Variants in TENM3 observed in about 807,000 individuals in gnomAD.
The protein encoded by TENM3 is teneurin-3.
A neutral mutation model predicts 255.1 loss-of-function variants in TENM3; 63 were observed. That is an observed-to-expected ratio of 0.25 (90% CI 0.20 to 0.30). The LOEUF (loss-of-function observed/expected upper bound fraction) is 0.30, where lower values mean the gene tolerates loss of function less well. Ranked by LOEUF, TENM3 falls within the 10% of genes least tolerant of loss-of-function variation. The pLI is 1.00. For missense variants in TENM3, 2,929 were observed against 3,461.1 expected (o/e 0.85, Z 3.86); for synonymous variants, 1,306 against 1,322.3 (o/e 0.99, Z 0.27).
the TENM3 span, among the ~76,000 whole-genome samples, chr4:181,633,972 T>C: frequency 6.6e-6 from 1 of 152,214 alleles, no homozygotes; most frequent in Admixed American, 6.5e-5. Flanking sequence ...ATCTCCTCTT[T>C]CACCTTCTTC....
At chr4:182,712,843 TTAATA>T (rs1166997304) in intron 12 of TENM3, among the ~76,000 whole-genome samples, 1 of 152,256 alleles carries the variant, frequency 6.6e-6, no homozygotes, top group Non-Finnish European at 1.5e-5. Context: ...AGTATTTTTA[TTAATA>T]TGTTTTATAC....
At chr4:181,610,171 A>C in the TENM3 span, among the ~76,000 whole-genome samples, 6 of 152,144 alleles carry the variant, frequency 3.9e-5, no homozygotes, top group Admixed American at 3.9e-4. Context: ...AGCAGCTTTA[A>C]ATGGAGTCCC....
chr4:181,607,181 T>A, the TENM3 span, among the ~76,000 whole-genome samples: 1 of 152,164 alleles, frequency 6.6e-6, no homozygotes, highest in African/African-American at 2.4e-5. Flanking sequence ...ATTTGCCATC[T>A]TTAAGATCAA....
At chr4:182,798,390 TAC>T (rs1246157729) in intron 27 of TENM3, among the ~76,000 whole-genome samples, 1 of 152,198 alleles carries the variant, frequency 6.6e-6, no homozygotes, top group African/African-American at 2.4e-5. Flanking sequence ...CAATATTCAG[TAC>T]AGTCACACCG....
At chr4:181,562,083 T>C in the TENM3 span, among the ~76,000 whole-genome samples, 1 of 152,230 alleles carries the variant, frequency 6.6e-6, no homozygotes, top group African/African-American at 2.4e-5. Flanking sequence ...GAGTACTTTA[T>C]GTTGTGTATT....
chr4:181,953,003 A>C, the TENM3 span, among the ~76,000 whole-genome samples: 1 of 152,218 alleles, frequency 6.6e-6, no homozygotes, highest in South Asian at 2.1e-4. Flanking sequence ...GACTGATTGC[A>C]CATATGTTAT....
At chr4:181,940,385 T>C in the TENM3 span, among the ~76,000 whole-genome samples, 1 of 152,208 alleles carries the variant, frequency 6.6e-6, no homozygotes. Context: ...TTCGCCAGAA[T>C]CACTGATTCA....
intron 1 of TENM3, among the ~76,000 whole-genome samples, chr4:182,303,826 C>G (rs1422699828): frequency 6.6e-6 from 1 of 152,174 alleles, no homozygotes; most frequent in Non-Finnish European, 1.5e-5. Flanking sequence ...TGACAACTTT[C>G]TAGGCACCAC....
At chr4:182,677,034 T>C (rs775875494) in intron 7 of TENM3, among the ~76,000 whole-genome samples, 10 of 152,204 alleles carry the variant, frequency 6.6e-5, no homozygotes, top group Non-Finnish European at 1.2e-4. Flanking sequence ...CTTAGAAATA[T>C]TACAAAGCAA....
the TENM3 span, among the ~76,000 whole-genome samples, chr4:181,923,203 T>C: frequency 1.3e-5 from 2 of 152,172 alleles, no homozygotes; most frequent in Admixed American, 6.5e-5. Context: ...GAAAAAAATA[T>C]ATATTCTGTT....
the TENM3 span, among the ~76,000 whole-genome samples, chr4:181,675,028 A>G: frequency 1.2e-4 from 19 of 152,288 alleles, 1 homozygote; most frequent in Admixed American, 9.8e-4. Flanking sequence ...TCTACTTGAC[A>G]ATAATGACTT....
At chr4:181,902,187 C>CA in the TENM3 span, among the ~76,000 whole-genome samples, 40,081 of 143,868 alleles carry the variant, frequency 0.28, 5,485 homozygotes, top group African/African-American at 0.3. Flanking sequence ...TTAAAAGAGC[C>CA]AAAAAAAAAA....
chr4:181,469,658 C>A, the TENM3 span, among the ~76,000 whole-genome samples: 1 of 131,888 alleles, frequency 7.6e-6, no homozygotes, highest in East Asian at 2.1e-4. Flanking sequence ...ATAAATATTA[C>A]TAAATACCAA....
In TENM3 at chr4:182,600,917, TTTTCAG is replaced by T; in HGVS notation, c.512-6_512-1del. On this transcript the variant is annotated splice_acceptor_variant and splice_polypyrimidine_tract_variant and intron_variant, in intron 3 of 27. Coordinates refer to ENST00000511685, the MANE Select transcript of TENM3 (RefSeq NM_001080477.4). LOFTEE classifies it high-confidence loss of function. ...TCTTTCTTTTTTTTTTTTTTTTTTT[TTTTCAG>T]AGCAACCTGCAAGCAATCAAGGCCA... is the stretch of plus-strand genomic sequence containing the variant. 7.0e-7 allele frequency: 1 copy of T among 1,424,464 alleles called. No homozygotes were observed. Among genetic ancestry groups the T allele is most frequent in the Non-Finnish European group, 9.5e-7 (1 of 1,056,184 alleles). 88.2% of individuals were successfully genotyped at this position (1,424,464 alleles called of 1,614,324 possible).
chr4:182,123,178 T>G, the TENM3 span, among the ~76,000 whole-genome samples: 4 of 152,172 alleles, frequency 2.6e-5, no homozygotes, highest in East Asian at 1.9e-4. Flanking sequence ...TTGTTTGTTT[T>G]TTGTTTGTTT....
chr4:182,779,377 A>C (rs1232560942), intron 24 of TENM3, among the ~76,000 whole-genome samples: 3 of 152,174 alleles, frequency 2.0e-5, no homozygotes, highest in Non-Finnish European at 4.4e-5. Context: ...GTCCCTACAA[A>C]GGACATGAAC....
intron 1 of TENM3, among the ~76,000 whole-genome samples, chr4:182,188,667 G>A (rs1328351708): frequency 6.6e-6 from 1 of 152,200 alleles, no homozygotes; most frequent in Non-Finnish European, 1.5e-5. Context: ...AAAAGTGAAA[G>A]ATCATGATTT....
the TENM3 span, among the ~76,000 whole-genome samples, chr4:181,632,788 T>C: frequency 6.6e-6 from 1 of 152,154 alleles, no homozygotes. Context: ...GCCCTTCCAT[T>C]TTAAAGGAGG....
the TENM3 span, among the ~76,000 whole-genome samples, chr4:181,554,035 G>A: frequency 1.3e-5 from 2 of 151,988 alleles, no homozygotes; most frequent in African/African-American, 2.4e-5. Context: ...TCCCTCATGC[G>A]GCTCTAACTG....
Sources: allele counts gnomAD v4.1 joint callset (sites outside exome capture counted in the v4.1 genomes callset), GRCh38; gene constraint gnomAD v4.1.1; transcripts MANE v1.5; gene names NCBI Gene and HGNC (gene_info 2026-07-23, HGNC 2026-07-21).